RBBP5: variants seen among roughly 807,000 people sequenced by gnomAD.
RBBP5 encodes RB binding protein 5, histone lysine methyltransferase complex subunit.
Under a neutral mutation model 72.2 loss-of-function variants are expected in RBBP5, and 5 were observed. The ratio of observed to expected loss-of-function variants is 0.07; its 90% CI spans 0.04 to 0.15. The LOEUF is 0.15. Ranked by LOEUF, RBBP5 falls within the 10% of genes least tolerant of loss-of-function variation. RBBP5 has a pLI of 1.00. For synonymous variants in RBBP5, 209 were observed against 237.2 expected, an observed-to-expected ratio of 0.88 and a Z score of 1.09; for missense variants, 322 against 652.2, an observed-to-expected ratio of 0.49 and a Z score of 5.51.
intron 3 of RBBP5, among the ~76,000 whole-genome samples, chr1:205,106,468 G>A (rs1656069110): frequency 6.6e-6 from 1 of 152,100 alleles, no homozygotes; most frequent in Admixed American, 6.6e-5. Flanking sequence ...ATGGTGGTGT[G>A]CACCTGTAGT....
In RBBP5 at chr1:205,099,702, G is replaced by A. The variant is rs759601965; in HGVS notation, c.978+39C>T. The A allele has an allele frequency of 1.3e-6, 2 of 1,537,656 alleles. No homozygotes were observed. The highest frequency in any genetic ancestry group is 2.3e-5 in the East Asian group (1 of 44,434). ...TATAAGGTTCTTTGATAAAAAGAAG[G>A]GGTAACTAGTTTCGAAGCAAGTAAA... On this transcript the variant is annotated intron_variant, in intron 9 of 13. Coordinates refer to ENST00000264515, the MANE Select transcript of RBBP5 (RefSeq NM_005057.4). This position sits in a 1 kb window ranked among gnomAD's most constrained non-coding sequence, Gnocchi z 4.7.
At chr1:205,116,241 A>G in intron 1 of RBBP5, 1 of 387,030 alleles carries the variant, frequency 2.6e-6, no homozygotes, top group Non-Finnish European at 5.0e-6. Flanking sequence ...TGTTTTTGAA[A>G]ACAAAATAAC....
chr1:205,116,000 T>A, intron 1 of RBBP5, 117 bp from the exon 2 acceptor site: 1 of 1,605,282 alleles, frequency 6.2e-7, no homozygotes. Context: ...TGATGCCCTT[T>A]CAGGCATTCC....
intron 11 of RBBP5, 78 bp downstream of exon 11, chr1:205,097,248 C>A: frequency 7.4e-7 from 1 of 1,343,842 alleles, no homozygotes; most frequent in African/African-American, 1.5e-5. Flanking sequence ...GAAGGGATAG[C>A]CAGGGAAACT....
At chr1:205,092,616 A>T (rs1655394643) in intron 13 of RBBP5, among the ~76,000 whole-genome samples, 1 of 149,822 alleles carries the variant, frequency 6.7e-6, no homozygotes, top group African/African-American at 2.5e-5. Context: ...CGCCTGGCTA[A>T]TTTTTTGATT....
chr1:205,119,175 T>C (rs1476191820), intron 1 of RBBP5, among the ~76,000 whole-genome samples: 2 of 152,118 alleles, frequency 1.3e-5, no homozygotes, highest in Non-Finnish European at 2.9e-5. Flanking sequence ...GGCAGATCAC[T>C]TGAGGTCAGG....
chr1:205,116,034 A>T (rs1656506947), intron 1 of RBBP5, 151 bp from the exon 2 acceptor site: 1 of 1,512,004 alleles, frequency 6.6e-7, no homozygotes, highest in African/African-American at 1.4e-5. Flanking sequence ...GATTTTCAAG[A>T]TCCTGCTAAG....
rs183281222 is a variant in RBBP5, at chr1:205,099,193, T to A, written c.979-87A>T. On this transcript the variant is annotated intron_variant, in intron 9 of 13. Coordinates refer to ENST00000264515, the MANE Select transcript of RBBP5 (RefSeq NM_005057.4). The surrounding 1 kb of genome is among the most constrained non-coding windows in gnomAD (Gnocchi z 4.7). ...AATGATAAAATGAAAGATGTGAGCA[T>A]GAAAGGAATTCACAATTCTTAGATT... The A allele has an allele frequency of 7.4e-6, 6 of 812,300 alleles. No individual in the cohort carries two copies. Among genetic ancestry groups the A allele is most frequent in the African/African-American group, 1.8e-5 (1 of 56,176 alleles). 50.3% of individuals were successfully genotyped at this position (812,300 alleles called of 1,614,324 possible). A position where few individuals can be genotyped will look rare whatever the true frequency, so the allele number is the denominator to read the frequency against.
At chr1:205,092,601 C>T (rs1655393752) in intron 13 of RBBP5, among the ~76,000 whole-genome samples, 1 of 151,240 alleles carries the variant, frequency 6.6e-6, no homozygotes. Flanking sequence ...AGATGTGCAC[C>T]ACCACGCCTG....
At chr1:205,093,246 G>GT (rs1194027958) in intron 13 of RBBP5, among the ~76,000 whole-genome samples, 1 of 150,902 alleles carries the variant, frequency 6.6e-6, no homozygotes, top group African/African-American at 2.4e-5. Flanking sequence ...GATCACTTGA[G>GT]GTCAGGAGTT....
At position 205,099,553 on chromosome 1, in the gene RBBP5, A is replaced by ACTTGGTCC. The variant is rs1279860429; in HGVS notation, c.978+187_978+188insGGACCAAG. On this transcript the variant is annotated intron_variant, in intron 9 of 13. Coordinates refer to ENST00000264515, the MANE Select transcript of RBBP5 (RefSeq NM_005057.4). This position sits in a 1 kb window ranked among gnomAD's most constrained non-coding sequence, Gnocchi z 4.7. ...GTTTCTCCCTGAAAAGAGCCAGAAAACCAACTTGGGACCAAGACCTTCCCA... is the reference window on the plus strand; with the variant it reads ...GTTTCTCCCTGAAAAGAGCCAGAAAACTTGGTCCCCAACTTGGGACCAAGACCTTCCCA... 5.9e-5 allele frequency among the ~76,000 whole-genome samples: 9 copies of ACTTGGTCC among 152,312 alleles called. No individual in the cohort carries two copies. The highest frequency in any genetic ancestry group is 1.2e-4 in the Non-Finnish European group (8 of 68,010).
In RBBP5 at chr1:205,096,814, C is replaced by T. The variant is rs1420004791; in HGVS notation, c.1264G>A (p.Ala422Thr). The change falls in exon 12 of 14, where the codon GCA becomes ACA. Residue 422 changes from alanine to threonine, a missense_variant. Transcript: ENST00000264515. ...TCATCCATCAAGGAGGTTTGGACTG[C>T]ATCCGGTGGGGGGCCGTAAGGATTT... ...EENPYGPPPD[A>T]VQTSLMDEGA... 3.7e-6 allele frequency: 6 copies of T among 1,614,200 alleles called. No homozygotes were observed. The highest frequency in any genetic ancestry group is 5.1e-6 in the Non-Finnish European group (6 of 1,180,048).
chr1:205,100,542 C>T (rs1214589240), intron 6 of RBBP5, among the ~76,000 whole-genome samples: 2 of 152,146 alleles, frequency 1.3e-5, no homozygotes, highest in African/African-American at 4.8e-5. Flanking sequence ...CCTAAATTCC[C>T]AAGTTTACAG....
chr1:205,115,091 T>C (rs897304137), intron 2 of RBBP5, 130 bp from the exon 3 acceptor site: 1 of 863,188 alleles, frequency 1.2e-6, no homozygotes, highest in Admixed American at 3.0e-5. Flanking sequence ...ATAATCTCTC[T>C]GTGTCTTCTT....
chr1:205,094,597 T>A (rs1161448417), intron 13 of RBBP5, among the ~76,000 whole-genome samples: 1 of 152,240 alleles, frequency 6.6e-6, no homozygotes, highest in Non-Finnish European at 1.5e-5. Flanking sequence ...GCTATGGACA[T>A]CTTCCCCAGA....
At chr1:205,104,763 C>G (rs956276476) in intron 4 of RBBP5, among the ~76,000 whole-genome samples, 2 of 151,966 alleles carry the variant, frequency 1.3e-5, no homozygotes, top group Non-Finnish European at 2.9e-5. Context: ...ATCTTGAACC[C>G]AGGAGGCAGA....
At chr1:205,121,374 G>A in intron 1 of RBBP5, among the ~76,000 whole-genome samples, 1 of 152,162 alleles carries the variant, frequency 6.6e-6, no homozygotes, top group East Asian at 1.9e-4. Flanking sequence ...TTAGTGCCTA[G>A]CCATTACCCT....
intron 6 of RBBP5, among the ~76,000 whole-genome samples, chr1:205,101,011 G>A (rs1191125988): frequency 6.6e-6 from 1 of 152,174 alleles, no homozygotes; most frequent in Non-Finnish European, 1.5e-5. Flanking sequence ...GATCTGACAG[G>A]AGGCAGAGCT....
At chr1:205,121,818 C>T in intron 1 of RBBP5, 37 bp downstream of exon 1, 1 of 1,612,146 alleles carries the variant, frequency 6.2e-7, no homozygotes, top group South Asian at 1.1e-5. Flanking sequence ...TTCCAGTACC[C>T]AACGCTTCTC....
Sources: allele counts gnomAD v4.1 joint callset (sites outside exome capture counted in the v4.1 genomes callset), GRCh38; gene constraint gnomAD v4.1.1; non-coding constraint Gnocchi (gnomAD v3.1); transcripts MANE v1.5; gene names NCBI Gene and HGNC (gene_info 2026-07-23, HGNC 2026-07-21).